TMEM223: variants seen among roughly 807,000 people sequenced by gnomAD.
TMEM223 encodes transmembrane protein 223.
A neutral mutation model predicts 14.1 loss-of-function variants in TMEM223; 14 were observed. That is an observed-to-expected ratio of 0.99 (90% CI 0.66 to 1.55). The LOEUF is 1.55. Among genes scored for constraint, TMEM223 ranks in the 40% most tolerant of loss-of-function variants. The pLI is 0.00. For synonymous variants in TMEM223, 145 were observed against 120.5 expected (o/e 1.20, Z -1.33); for missense variants, 346 against 269.9 (o/e 1.28, Z -1.97).
intron 2 of TMEM223, among the ~76,000 whole-genome samples, chr11:62,774,048 C>T (rs1437122535): frequency 2.6e-5 from 4 of 151,976 alleles, no homozygotes; most frequent in African/African-American, 9.7e-5. Flanking sequence ...ACATGCAGAG[C>T]CTCCAGAGCC....
chr11:62,789,506 C>T (rs2084332991), downstream of TMEM223: 2 of 1,597,908 alleles, frequency 1.3e-6, no homozygotes, highest in Non-Finnish European at 1.7e-6. Context: ...CCTTTTATCC[C>T]CATCAGTTGC....
downstream of TMEM223, chr11:62,786,758 T>G: frequency 1.2e-6 from 2 of 1,612,882 alleles, no homozygotes; most frequent in Non-Finnish European, 1.7e-6. Context: ...TACCGGGAGC[T>G]CTACGCCTTC....
downstream of TMEM223, chr11:62,789,847 T>A (rs779653173): frequency 6.3e-7 from 1 of 1,593,382 alleles, no homozygotes; most frequent in Non-Finnish European, 8.6e-7. Flanking sequence ...GGATTTGAAA[T>A]GGTCCCACTC....
intron 1 of TMEM223, chr11:62,778,166 T>C (rs1448324905): frequency 6.2e-7 from 1 of 1,613,572 alleles, no homozygotes; most frequent in Admixed American, 1.7e-5. Flanking sequence ...GGGATGGGAG[T>C]TGGGCCGTGA....
Position 62,790,447 on chromosome 11 carries a change from TTTTTTGTAAATAGAGACAAGGTCTC to T in TMEM223, c.*151_*175del, listed in dbSNP as rs1453413189. On this transcript the variant is annotated 3_prime_UTR_variant, in exon 2 of 2. Coordinates refer to ENST00000307366, the MANE Select transcript of TMEM223 (RefSeq NM_001080501.3). Reference sequence around the variant, plus strand: ...AAGATTGGCGTTTTTTTTTGTTTTTTTTTTTGTAAATAGAGACAAGGTCTCGCTATGTTGCCCAGCCTGGGCTCGA... The same window carrying T: ...AAGATTGGCGTTTTTTTTTGTTTTTTGCTATGTTGCCCAGCCTGGGCTCGA... 1 of 618,722 alleles carries T rather than the reference TTTTTTGTAAATAGAGACAAGGTCTC, an allele frequency of 1.6e-6. No individual in the cohort carries two copies. The highest frequency in any genetic ancestry group is 2.7e-6 in the Non-Finnish European group (1 of 372,602). The allele number at this position is 618,722 out of a possible 1,614,324, so 38.3% of individuals were successfully genotyped here. A position where few individuals can be genotyped will look rare whatever the true frequency, so the allele number is the denominator to read the frequency against.
At chr11:62,782,552 A>C (rs1298558753), downstream of TMEM223, 2 of 1,288,072 alleles carry the variant, frequency 1.6e-6, no homozygotes, top group Non-Finnish European at 2.1e-6. Context: ...GTCCTAGGCC[A>C]GTCACCCCTG....
chr11:62,787,663 G>C, downstream of TMEM223: 1 of 1,174,130 alleles, frequency 8.5e-7, no homozygotes, highest in Non-Finnish European at 1.2e-6. Context: ...GCGCCGGCCT[G>C]TACCTGAAAT....
downstream of TMEM223, chr11:62,786,586 AG>A: frequency 1.3e-6 from 2 of 1,575,560 alleles, no homozygotes; most frequent in Middle Eastern, 1.7e-4. Context: ...CCCAGGTGGC[AG>A]GGGGTGCCGG....
Position 62,791,919 on chromosome 11 carries a change from G to C in TMEM223, c.76C>G (p.Gln26Glu). The C allele has an allele frequency of 1.3e-6, 2 of 1,598,404 alleles. No individual in the cohort carries two copies. Among genetic ancestry groups the C allele is most frequent in the Non-Finnish European group, 1.7e-6 (2 of 1,173,146 alleles). ...LRPLLTCRPL[Q>E]GTTLQRDVLL... ...ACATCCCGTTGCAGCGTCGTGCCTT[G>C]CAGGGGCCGGCAGGTGAGCAGGGGC... Residue 26 changes from glutamine to glutamate, a missense_variant, in exon 1 of 2, where the codon CAA becomes GAA. Gln to Glu is a conservative substitution (Grantham distance 29). Coordinates refer to ENST00000307366, the MANE Select transcript of TMEM223 (RefSeq NM_001080501.3).
chr11:62,776,425 G>A (rs1466434878), intron 1 of TMEM223: 1 of 1,613,866 alleles, frequency 6.2e-7, no homozygotes, highest in South Asian at 1.1e-5. Flanking sequence ...GCCGGAAGCT[G>A]ACGGTTGAGG....
At chr11:62,776,073 C>A in intron 1 of TMEM223, 1 of 1,170,250 alleles carries the variant, frequency 8.5e-7, no homozygotes. Context: ...CAGAACTCTA[C>A]TTGTAGCTGT....
In TMEM223 at chr11:62,790,522, A is replaced by C; in HGVS notation, c.*101T>G. On this transcript the variant is annotated 3_prime_UTR_variant, in exon 2 of 2. Transcript: ENST00000307366. Reference sequence around the variant, plus strand: ...AGCAGTGCTCCTGCCTCACCCTCCCAAAGTGCTGGGATTACAACAGGTGTG... The same window carrying C: ...AGCAGTGCTCCTGCCTCACCCTCCCCAAGTGCTGGGATTACAACAGGTGTG... 1 of 1,166,324 alleles carries C rather than the reference A, an allele frequency of 8.6e-7. No individual in the cohort carries two copies. The allele number at this position is 1,166,324 out of a possible 1,614,324, so 72.2% of individuals were successfully genotyped here. A position where few individuals can be genotyped will look rare whatever the true frequency, so the allele number is the denominator to read the frequency against.
chr11:62,787,005 C>A, downstream of TMEM223: 1 of 1,483,704 alleles, frequency 6.7e-7, no homozygotes. Flanking sequence ...CCTTGCCGCG[C>A]GTGCATCGGG....
downstream of TMEM223, chr11:62,788,969 C>T: frequency 6.5e-7 from 1 of 1,542,780 alleles, no homozygotes. Context: ...TACCAAGAGA[C>T]TGTATCTAGA....
chr11:62,789,777 C>T (rs767477287), downstream of TMEM223: 55 of 1,522,064 alleles, frequency 3.6e-5, no homozygotes, highest in Non-Finnish European at 4.9e-5. Flanking sequence ...GTGAGAGGAG[C>T]TGAAGGGGTT....
Position 62,790,363 on chromosome 11 carries a change from T to A in TMEM223, c.*260A>T, listed in dbSNP as rs1165363011. 3.6e-6 allele frequency: 2 copies of A among 549,678 alleles called. No individual in the cohort carries two copies. Among genetic ancestry groups the A allele is most frequent in the Non-Finnish European group, 6.4e-6 (2 of 314,842 alleles). The allele number at this position is 549,678 out of a possible 1,614,324, so 34.1% of individuals were successfully genotyped here. A position where few individuals can be genotyped will look rare whatever the true frequency, so the allele number is the denominator to read the frequency against. Reference sequence around the variant, plus strand: ...CAGCTGCCCTAGGGATGACTGCTCCTTTATTTGTTGTTAATGAATCTTGAC... The same window carrying A: ...CAGCTGCCCTAGGGATGACTGCTCCATTATTTGTTGTTAATGAATCTTGAC... On this transcript the variant is annotated 3_prime_UTR_variant, in exon 2 of 2. Coordinates refer to ENST00000307366, the MANE Select transcript of TMEM223 (RefSeq NM_001080501.3).
intron 1 of TMEM223, among the ~76,000 whole-genome samples, chr11:62,777,266 G>T (rs2084194610): frequency 6.6e-6 from 1 of 152,134 alleles, no homozygotes; most frequent in Non-Finnish European, 1.5e-5. Flanking sequence ...GGCGTAGGTT[G>T]CAGTGAGCCG....
At position 62,790,776 on chromosome 11, in the gene TMEM223, C is replaced by T. The variant is rs1046541226; in HGVS notation, c.456G>A (p.Lys152=). 6.2e-7 allele frequency: 1 copy of T among 1,609,104 alleles called. No homozygotes were observed. The highest frequency in any genetic ancestry group is 8.5e-7 in the Non-Finnish European group (1 of 1,177,628). The change falls in exon 2 of 2, where the codon AAG becomes AAA. Residue 152 remains lysine, a synonymous_variant. Coordinates refer to ENST00000307366, the MANE Select transcript of TMEM223 (RefSeq NM_001080501.3). ...GLGAHFTVPL[K]QVSCMAHRGE... ...CCCGGTGGGCCATGCAAGATACCTGCTTCAAAGGAACTGTGAAATGGGCCC... is the reference window on the plus strand; with the variant it reads ...CCCGGTGGGCCATGCAAGATACCTGTTTCAAAGGAACTGTGAAATGGGCCC...
downstream of TMEM223, chr11:62,787,451 A>G (rs368131269): frequency 1.7e-5 from 26 of 1,569,202 alleles, no homozygotes; most frequent in Non-Finnish European, 2.1e-5. Context: ...TCCTGGCTGC[A>G]GCGCGTCGAG....
Sources: allele counts gnomAD v4.1 joint callset (sites outside exome capture counted in the v4.1 genomes callset), GRCh38; gene constraint gnomAD v4.1.1; transcripts MANE v1.5; gene names NCBI Gene and HGNC (gene_info 2026-07-23, HGNC 2026-07-21).